The following GPR161 variants were observed in gnomAD, a reference collection of about 807,000 sequenced individuals.
GPR161 encodes the protein G-protein coupled receptor RE2.
Under a neutral mutation model 39.2 loss-of-function variants are expected in GPR161, and 25 were observed. The ratio of observed to expected loss-of-function variants is 0.64; its 90% CI spans 0.47 to 0.89. The LOEUF (loss-of-function observed/expected upper bound fraction) is 0.89, where lower values mean the gene tolerates loss of function less well. Ranked by LOEUF, GPR161 falls within the 40% of genes least tolerant of loss-of-function variation. The probability of loss-of-function intolerance (pLI) is 0.00; values close to 1 mark genes in which losing one functional copy is unlikely to be tolerated. For missense variants in GPR161, 547 were observed against 677.8 expected (o/e 0.81, Z 2.14); for synonymous variants, 286 against 276.6 (o/e 1.03, Z -0.34).
In GPR161 at chr1:168,085,657, C is replaced by T. The variant is rs1694415216; in HGVS notation, c.1464G>A (p.Leu488=). The T allele has an allele frequency of 6.2e-7, 1 of 1,614,122 alleles. No homozygotes were observed. Among genetic ancestry groups the T allele is most frequent in the African/African-American group, 1.3e-5 (1 of 74,958 alleles). Residue 488 remains leucine, a synonymous_variant, in exon 6 of 6, where the codon TTG becomes TTA. Coordinates refer to ENST00000682931, the MANE Select transcript of GPR161 (RefSeq NM_001375883.1). ...LFGEEALPGV[L]VTARTVPGGG... is the part of the protein sequence containing the mutation. Reference sequence around the variant, plus strand: ...CCCCCGGGACAGTCCGTGCTGTAACCAAGACCCCTGGCAAAGCCTCCTCCC... The same window carrying T: ...CCCCCGGGACAGTCCGTGCTGTAACTAAGACCCCTGGCAAAGCCTCCTCCC...
intron 1 of GPR161, among the ~76,000 whole-genome samples, chr1:168,111,334 T>C (rs1697148664): frequency 6.6e-6 from 1 of 152,264 alleles, no homozygotes. Context: ...ATACAGATCC[T>C]GATTGGTCTA....
At position 168,090,889 on chromosome 1, in the gene GPR161, ACT is replaced by A. The variant is rs575071731; in HGVS notation, c.1100-223_1100-222del. Among the ~76,000 whole-genome samples, 198 of 152,226 alleles carry A rather than the reference ACT, an allele frequency of 1.3e-3. 1 individual carries two copies. Among genetic ancestry groups the A allele is most frequent in the Non-Finnish European group, 2.2e-3 (147 of 68,026 alleles). On this transcript the variant is annotated intron_variant, in intron 3 of 5. Transcript: ENST00000682931. ...CTCACTGGGTTCCCCCAAAGGGGAA[ACT>A]CTCCTGACAATGTCAACCACCACCA...
chr1:168,115,957 T>C lies in GPR161; in HGVS notation c.-44-11063A>G, dbSNP rs947420394. 3.3e-5 allele frequency among the ~76,000 whole-genome samples: 5 copies of C among 152,202 alleles called. No individual in the cohort carries two copies. The South Asian group carries it at 1.0e-3, about 32-fold the overall frequency. ...CGCCCGGCTAATTTTTTTTGTATTT[T>C]TAGTAAAGACGGGGTTTCACTGTGT... is the stretch of plus-strand genomic sequence containing the variant. On this transcript the variant is annotated intron_variant, in intron 1 of 5. Transcript: ENST00000682931.
chr1:168,137,220 C>T (rs916030832), upstream of GPR161: 74 of 1,463,100 alleles, frequency 5.1e-5, no homozygotes, highest in Admixed American at 3.3e-4. Context: ...TAACTCAGGC[C>T]TTCCCTGTTC....
intron 1 of GPR161, among the ~76,000 whole-genome samples, chr1:168,115,550 C>A (rs1697549724): frequency 6.6e-6 from 1 of 152,066 alleles, no homozygotes; most frequent in Non-Finnish European, 1.5e-5. Context: ...AGATCTATGT[C>A]CCAGTTCACA....
rs1006551335 is a variant in GPR161 at position 168,079,840 on chromosome 1, T to G, written c.*5691A>C. ...GTGGTCTTGTCTGCCAGGCCTGTGA[T>G]TCTCCCTAGGACTGTCTTTTCCTCT... is the stretch of plus-strand genomic sequence containing the variant. On this transcript the variant is annotated 3_prime_UTR_variant, in exon 6 of 6. Transcript: ENST00000682931. The G allele has an allele frequency of 3.9e-5, 6 of 152,318 alleles. No homozygotes were observed. Among genetic ancestry groups the G allele is most frequent in the African/African-American group, 1.4e-4 (6 of 41,564 alleles). 9.4% of individuals were successfully genotyped at this position (152,318 alleles called of 1,614,324 possible). A position where few individuals can be genotyped will look rare whatever the true frequency, so the allele number is the denominator to read the frequency against.
In GPR161 at chr1:168,097,120, G is replaced by C; in HGVS notation, c.487C>G (p.Leu163Val). The C allele has an allele frequency of 6.2e-7, 1 of 1,614,094 alleles. No individual in the cohort carries two copies. Among genetic ancestry groups the C allele is most frequent in the Non-Finnish European group, 8.5e-7 (1 of 1,180,034 alleles). Residue 163 changes from leucine to valine, a missense_variant, in exon 3 of 6, where the codon CTG becomes GTG. Coordinates refer to ENST00000682931, the MANE Select transcript of GPR161 (RefSeq NM_001375883.1). ...AACTCCACGGATGACCAACCAAACA[G>C]GGGTGGCAGGCAGCCGATGAGCGAG... ...LHSLIGCLPP[L>V]FGWSSVEFDE... is the part of the protein sequence containing the mutation.
At chr1:168,095,641 T>C (rs141349935) in intron 3 of GPR161, among the ~76,000 whole-genome samples, 1 of 152,196 alleles carries the variant, frequency 6.6e-6, no homozygotes, top group East Asian at 1.9e-4. Context: ...AGGTTTGGCA[T>C]GGACACCCCC....
At chr1:168,137,004 G>A (rs1271943696), upstream of GPR161, 2 of 808,076 alleles carry the variant, frequency 2.5e-6, no homozygotes, top group African/African-American at 3.0e-5. Flanking sequence ...GGAGCCCCGA[G>A]CCGCCTCCCC....
chr1:168,123,537 T>TACACACACACACACACACACAC (rs10534836), intron 1 of GPR161, among the ~76,000 whole-genome samples: 14 of 138,218 alleles, frequency 1.0e-4, no homozygotes, highest in African/African-American at 3.2e-4. Flanking sequence ...TGCACATACA[T>TACACACACACACACACACACAC]ACACACACAC....
intron 1 of GPR161, among the ~76,000 whole-genome samples, chr1:168,118,340 G>A (rs1192074131): frequency 3.3e-5 from 5 of 152,154 alleles, no homozygotes; most frequent in African/African-American, 1.2e-4. Context: ...GTTACATTAG[G>A]TGAAGCAACT....
intron 1 of GPR161, among the ~76,000 whole-genome samples, chr1:168,123,970 TA>T (rs1698406042): frequency 1.3e-5 from 2 of 152,204 alleles, no homozygotes; most frequent in South Asian, 4.1e-4. Flanking sequence ...TCGCATGTTG[TA>T]AAAAGCAATC....
chr1:168,123,571 C>CAT (rs1558135045), intron 1 of GPR161, among the ~76,000 whole-genome samples: 1 of 147,184 alleles, frequency 6.8e-6, no homozygotes, highest in Non-Finnish European at 1.5e-5. Context: ...CACACACACA[C>CAT]ACACACACTT....
chr1:168,086,661 C>T (rs186422934), intron 5 of GPR161, among the ~76,000 whole-genome samples: 2 of 152,160 alleles, frequency 1.3e-5, no homozygotes, highest in Admixed American at 6.6e-5. Flanking sequence ...TGTGGCCCTA[C>T]GTGGGCTGGG....
intron 1 of GPR161, among the ~76,000 whole-genome samples, chr1:168,120,739 G>A (rs1210548158): frequency 6.6e-6 from 1 of 152,072 alleles, no homozygotes; most frequent in Non-Finnish European, 1.5e-5. Context: ...GTTCTCAGGA[G>A]ATCTGACGGT....
At chr1:168,099,538 T>C (rs1043254939) in intron 2 of GPR161, among the ~76,000 whole-genome samples, 2 of 152,198 alleles carry the variant, frequency 1.3e-5, no homozygotes, top group Non-Finnish European at 2.9e-5. Context: ...CAGATTTCCT[T>C]CTGGCTCTTC....
chr1:168,105,403 C>T (rs1696513080), intron 1 of GPR161, among the ~76,000 whole-genome samples: 1 of 152,210 alleles, frequency 6.6e-6, no homozygotes, highest in Non-Finnish European at 1.5e-5. Context: ...ATCACCATCA[C>T]CTGAGAGCTC....
chr1:168,123,961 C>T (rs1052850485), intron 1 of GPR161, among the ~76,000 whole-genome samples: 1 of 152,184 alleles, frequency 6.6e-6, no homozygotes, highest in Non-Finnish European at 1.5e-5. Context: ...GAGTTGCCTT[C>T]GCATGTTGTA....
chr1:168,107,094 T>TA (rs1002888656), intron 1 of GPR161, among the ~76,000 whole-genome samples: 5 of 151,282 alleles, frequency 3.3e-5, no homozygotes, highest in African/African-American at 1.2e-4. Flanking sequence ...GTTGAAATTA[T>TA]AAAAAAAGAA....
Sources: gnomAD v4.1 joint callset for allele counts (sites outside exome capture counted in the v4.1 genomes callset) on GRCh38, gnomAD v4.1.1 for gene constraint, MANE v1.5 for transcripts, NCBI Gene and HGNC (gene_info 2026-07-23, HGNC 2026-07-21) for gene names.